The following ERG variants were observed in gnomAD, a reference collection of about 807,000 sequenced individuals.
ERG encodes the protein ETS transcription factor ERG, also known as transcriptional regulator ERG.
Under a neutral mutation model 55.3 loss-of-function variants are expected in ERG, and 9 were observed. The ratio of observed to expected loss-of-function variants is 0.16; its 90% CI spans 0.10 to 0.28. The LOEUF (loss-of-function observed/expected upper bound fraction) is 0.28, where lower values mean the gene tolerates loss of function less well. Ranked by LOEUF, ERG falls within the 10% of genes least tolerant of loss-of-function variation. The pLI is 1.00. For missense variants in ERG, 434 were observed against 631.6 expected (o/e 0.69, Z 3.35); for synonymous variants, 223 against 237.3 (o/e 0.94, Z 0.55).
At chr21:38,488,433 G>A (rs777310616) in intron 1 of ERG, among the ~76,000 whole-genome samples, 2 of 152,090 alleles carry the variant, frequency 1.3e-5, no homozygotes, top group Non-Finnish European at 2.9e-5. Context: ...TTGTTGACTT[G>A]ATCTATTTTT....
chr21:38,631,232 C>A (rs1337460204), intron 1 of ERG, among the ~76,000 whole-genome samples: 2 of 152,146 alleles, frequency 1.3e-5, no homozygotes, highest in African/African-American at 4.8e-5. Flanking sequence ...CAGAACACAC[C>A]ATTCCCCACA....
intron 2 of ERG, among the ~76,000 whole-genome samples, chr21:38,505,081 T>A (rs1183549560): frequency 6.6e-6 from 1 of 152,238 alleles, no homozygotes; most frequent in Admixed American, 6.5e-5. Flanking sequence ...GGGCTTTAAT[T>A]CAGCATCACC....
At chr21:38,602,449 A>T (rs2060170438) in intron 1 of ERG, among the ~76,000 whole-genome samples, 1 of 152,008 alleles carries the variant, frequency 6.6e-6, no homozygotes, top group Non-Finnish European at 1.5e-5. Context: ...TGTCTCAAAA[A>T]TAAATAAATA....
chr21:38,657,427 A>G (rs1050881897), intron 1 of ERG, among the ~76,000 whole-genome samples: 2 of 152,128 alleles, frequency 1.3e-5, no homozygotes, highest in African/African-American at 4.8e-5. Flanking sequence ...GCACCCTTTA[A>G]TTTCTTGGTT....
intron 1 of ERG, among the ~76,000 whole-genome samples, chr21:38,645,410 A>G (rs1017869145): frequency 6.6e-6 from 1 of 152,192 alleles, no homozygotes; most frequent in Admixed American, 6.5e-5. Flanking sequence ...CCTGCTACCA[A>G]ATAAACCACA....
At chr21:38,596,060 G>C (rs867807668) in intron 1 of ERG, among the ~76,000 whole-genome samples, 14 of 147,976 alleles carry the variant, frequency 9.5e-5, no homozygotes, top group African/African-American at 2.7e-4. Flanking sequence ...TGGGATTGGG[G>C]GGGGGGGGTC....
At chr21:38,437,360 C>G (rs2058800601) in intron 2 of ERG, among the ~76,000 whole-genome samples, 1 of 152,198 alleles carries the variant, frequency 6.6e-6, no homozygotes, top group South Asian at 2.1e-4. Flanking sequence ...AGGGGCGCTG[C>G]CCTGTGTACT....
In ERG at chr21:38,383,077, C is replaced by T. The variant is rs867213976; in HGVS notation, c.*326G>A. 7 of 1,112,094 alleles carry T rather than the reference C, an allele frequency of 6.3e-6. No homozygotes were observed. In the South Asian group the frequency reaches 1.3e-4, roughly 21 times the overall value. The allele number at this position is 1,112,094 out of a possible 1,614,324, so 68.9% of individuals were successfully genotyped here. ...TGCATTAGTGGGATTCCAAACTCTA[C>T]TCTAAAGTTTATACATTTCTTAAGA... On this transcript the variant is annotated 3_prime_UTR_variant, in exon 10 of 10. Coordinates refer to ENST00000288319, the MANE Select transcript of ERG (RefSeq NM_182918.4). The surrounding 1 kb of genome is among the most constrained non-coding windows in gnomAD (Gnocchi z 5.7).
At chr21:38,644,075 C>CT (rs1194440708) in intron 1 of ERG, among the ~76,000 whole-genome samples, 1 of 151,562 alleles carries the variant, frequency 6.6e-6, no homozygotes, top group Non-Finnish European at 1.5e-5. Flanking sequence ...TTCATAGCCA[C>CT]TTTTTCCCCT....
chr21:38,600,627 G>C (rs547019877), intron 1 of ERG, among the ~76,000 whole-genome samples: 1 of 152,304 alleles, frequency 6.6e-6, no homozygotes, highest in African/African-American at 2.4e-5. Context: ...GATGGATAAA[G>C]GGCAGGGACA....
At chr21:38,623,675 C>T (rs979497663) in intron 1 of ERG, among the ~76,000 whole-genome samples, 1 of 152,144 alleles carries the variant, frequency 6.6e-6, no homozygotes, top group Non-Finnish European at 1.5e-5. Context: ...GTGAGTTCCT[C>T]CCTCCAGAAA....
chr21:38,563,801 C>T (rs1347522359), intron 2 of ERG, among the ~76,000 whole-genome samples: 3 of 152,196 alleles, frequency 2.0e-5, no homozygotes, highest in Non-Finnish European at 4.4e-5. Flanking sequence ...CACAGATAAT[C>T]CTTACATAGT....
intron 2 of ERG, among the ~76,000 whole-genome samples, chr21:38,507,744 A>G (rs2059474728): frequency 6.6e-6 from 1 of 152,160 alleles, no homozygotes. Flanking sequence ...AGTTTCATTC[A>G]GTCCAGCCAG....
chr21:38,604,044 C>T (rs983893672), intron 1 of ERG, among the ~76,000 whole-genome samples: 3 of 151,566 alleles, frequency 2.0e-5, no homozygotes, highest in South Asian at 4.2e-4. Flanking sequence ...GTCAGGAGTT[C>T]GAGACCATCC....
At chr21:38,505,865 C>G (rs1233080282) in intron 2 of ERG, among the ~76,000 whole-genome samples, 1 of 152,086 alleles carries the variant, frequency 6.6e-6, no homozygotes, top group Non-Finnish European at 1.5e-5. Context: ...ATTGTTGTCA[C>G]TAGAGGGTGC....
At chr21:38,606,507 C>T (rs564659730) in intron 1 of ERG, among the ~76,000 whole-genome samples, 1 of 151,964 alleles carries the variant, frequency 6.6e-6, no homozygotes, top group Non-Finnish European at 1.5e-5. Context: ...AAGAAAAAAA[C>T]CAAAATAAGT....
chr21:38,489,028 C>A (rs1043899900), intron 1 of ERG, among the ~76,000 whole-genome samples: 12 of 152,194 alleles, frequency 7.9e-5, no homozygotes, highest in Admixed American at 7.9e-4. Flanking sequence ...ACCACGCATT[C>A]GGAGAGAGGA....
intron 1 of ERG, among the ~76,000 whole-genome samples, chr21:38,615,348 C>T (rs2060252218): frequency 6.6e-6 from 1 of 152,080 alleles, no homozygotes; most frequent in Admixed American, 6.5e-5. Context: ...GTTATCTGAA[C>T]AAAATGTCAT....
intron 2 of ERG, among the ~76,000 whole-genome samples, chr21:38,532,634 T>C (rs2059680989): frequency 6.6e-6 from 1 of 152,178 alleles, no homozygotes; most frequent in African/African-American, 2.4e-5. Flanking sequence ...CAGGTCTGGA[T>C]GTGTTCAAGG....
Sources: allele counts gnomAD v4.1 joint callset (sites outside exome capture counted in the v4.1 genomes callset), GRCh38; gene constraint gnomAD v4.1.1; non-coding constraint Gnocchi (gnomAD v3.1); transcripts MANE v1.5; gene names NCBI Gene and HGNC (gene_info 2026-07-23, HGNC 2026-07-21).